The following SLC8A3 variants were observed in gnomAD, a reference collection of about 807,000 sequenced individuals.
SLC8A3 encodes solute carrier family 8 member A3, also known as sodium/calcium exchanger 3.
SLC8A3 carries 37 observed loss-of-function variants against 65.4 expected under a neutral mutation model. That is an observed-to-expected ratio of 0.57 (90% confidence interval 0.44 to 0.74). SLC8A3 has a LOEUF of 0.74. Ranked by LOEUF, SLC8A3 falls within the 30% of genes least tolerant of loss-of-function variation. The pLI is 0.00. For missense variants in SLC8A3, 1,112 were observed against 1,172.1 expected (o/e 0.95, Z 0.75); for synonymous variants, 461 against 444.5 (o/e 1.04, Z -0.47).
Position 70,188,686 on chromosome 14 carries a change from G to A in SLC8A3, c.-370C>T, listed in dbSNP as rs1416041453. 2 of 152,218 alleles carry A rather than the reference G, an allele frequency of 1.3e-5. No individual in the cohort carries two copies. The highest frequency in any genetic ancestry group is 6.5e-5 in the Admixed American group (1 of 15,286). 9.4% of individuals were successfully genotyped at this position (152,218 alleles called of 1,614,324 possible). The stretch of plus-strand genomic sequence containing the variant: ...CTTCCGCACGGATTTCAGAAAGAGG[G>A]AAACCCCGACCCAGAGCGGTGACTG... On this transcript the variant is annotated 5_prime_UTR_variant, in exon 1 of 7. Transcript: ENST00000356921.
intron 2 of SLC8A3, among the ~76,000 whole-genome samples, chr14:70,143,094 C>A (rs8012034): frequency 0.019 from 2,902 of 152,252 alleles, 43 homozygotes; most frequent in Non-Finnish European, 0.033. Flanking sequence ...CTTAAATGAG[C>A]GCTGTTGGAG....
chr14:70,076,158 TA>T (rs965060655), intron 2 of SLC8A3, among the ~76,000 whole-genome samples: 3 of 152,240 alleles, frequency 2.0e-5, no homozygotes, highest in African/African-American at 7.2e-5. Flanking sequence ...GCCTCTGCAC[TA>T]CCTGCTTCCT....
At chr14:70,106,364 A>G (rs1002167051) in intron 2 of SLC8A3, among the ~76,000 whole-genome samples, 6 of 152,198 alleles carry the variant, frequency 3.9e-5, no homozygotes, top group Non-Finnish European at 8.8e-5. Context: ...TATTCTTGGA[A>G]AATGGACCAA....
Position 70,045,906 on chromosome 14 carries a change from G to A in SLC8A3, c.*41C>T, listed in dbSNP as rs776291339. The A allele has an allele frequency of 4.0e-6, 6 of 1,513,830 alleles. No individual in the cohort carries two copies. Among genetic ancestry groups the A allele is most frequent in the Non-Finnish European group, 5.3e-6 (6 of 1,128,042 alleles). The allele number at this position is 1,513,830 out of a possible 1,614,324, so 93.8% of individuals were successfully genotyped here. A position where few individuals can be genotyped will look rare whatever the true frequency, so the allele number is the denominator to read the frequency against. ...GTGGGGAAGTGCCCTTCTCTTAGGAGAAGTCCTAGGCCTGCCCTGCTGGAG... is the reference window on the plus strand; with the variant it reads ...GTGGGGAAGTGCCCTTCTCTTAGGAAAAGTCCTAGGCCTGCCCTGCTGGAG... On this transcript the variant is annotated 3_prime_UTR_variant, in exon 7 of 7. Transcript: ENST00000356921.
At chr14:70,100,815 AG>A (rs1416217683) in intron 2 of SLC8A3, among the ~76,000 whole-genome samples, 2 of 152,262 alleles carry the variant, frequency 1.3e-5, no homozygotes, top group Admixed American at 6.5e-5. Context: ...ATTAGAGGCC[AG>A]GAGACTGTTC....
intron 2 of SLC8A3, among the ~76,000 whole-genome samples, chr14:70,119,541 G>C (rs975749360): frequency 3.3e-5 from 5 of 152,160 alleles, no homozygotes; most frequent in Non-Finnish European, 7.3e-5. Context: ...ATGAAACCAA[G>C]ATCCAGAGGG....
At chr14:70,162,213 T>C (rs1488899546) in intron 2 of SLC8A3, among the ~76,000 whole-genome samples, 1 of 152,224 alleles carries the variant, frequency 6.6e-6, no homozygotes, top group Admixed American at 6.5e-5. Flanking sequence ...ATTTTATTGA[T>C]GGATAAAAGT....
At chr14:70,114,654 A>G (rs1294989793) in intron 2 of SLC8A3, among the ~76,000 whole-genome samples, 4 of 152,168 alleles carry the variant, frequency 2.6e-5, no homozygotes, top group Admixed American at 1.3e-4. Flanking sequence ...CTTTGACTTT[A>G]AATTGGCCTA....
intron 1 of SLC8A3, among the ~76,000 whole-genome samples, chr14:70,179,333 T>C (rs919647103): frequency 5.3e-5 from 8 of 152,222 alleles, no homozygotes; most frequent in Admixed American, 5.2e-4. Context: ...TTTTACTAGT[T>C]TATCATAGAA....
At chr14:70,104,956 A>G (rs1435675896) in intron 2 of SLC8A3, among the ~76,000 whole-genome samples, 4 of 152,228 alleles carry the variant, frequency 2.6e-5, no homozygotes, top group African/African-American at 9.6e-5. Flanking sequence ...AAAGATAAGA[A>G]TTGGAATCAG....
At chr14:70,133,717 G>T (rs1024224565) in intron 2 of SLC8A3, among the ~76,000 whole-genome samples, 1 of 152,148 alleles carries the variant, frequency 6.6e-6, no homozygotes, top group Non-Finnish European at 1.5e-5. Context: ...ATAAAGGGGA[G>T]ACTCTGATGA....
chr14:70,064,825 A>G (rs1889233541), intron 2 of SLC8A3, among the ~76,000 whole-genome samples: 2 of 152,148 alleles, frequency 1.3e-5, no homozygotes, highest in Admixed American at 6.5e-5. Flanking sequence ...AATTTTAGTC[A>G]CCCTGTTCTG....
intron 2 of SLC8A3, among the ~76,000 whole-genome samples, chr14:70,081,241 G>C (rs1436659866): frequency 3.9e-5 from 6 of 152,130 alleles, no homozygotes; most frequent in Admixed American, 3.9e-4. Flanking sequence ...ACCCATATTA[G>C]AAACATCTGG....
intron 2 of SLC8A3, among the ~76,000 whole-genome samples, chr14:70,137,061 A>C (rs17107801): frequency 3.3e-5 from 5 of 152,130 alleles, no homozygotes; most frequent in African/African-American, 1.2e-4. Flanking sequence ...CAGAGATAAA[A>C]CTGGGAACCA....
At chr14:70,069,725 G>A (rs745916486) in intron 2 of SLC8A3, among the ~76,000 whole-genome samples, 1 of 152,194 alleles carries the variant, frequency 6.6e-6, no homozygotes, top group Non-Finnish European at 1.5e-5. Flanking sequence ...CCCAAGGTCT[G>A]AGGGGAAGGC....
At chr14:70,089,384 T>C (rs1891665236) in intron 2 of SLC8A3, among the ~76,000 whole-genome samples, 1 of 152,144 alleles carries the variant, frequency 6.6e-6, no homozygotes, top group South Asian at 2.1e-4. Flanking sequence ...TAACAGGAGC[T>C]CATAAATGCT....
chr14:70,045,840 A>T lies in SLC8A3; in HGVS notation c.*107T>A, dbSNP rs971286659. The T allele has an allele frequency of 5.1e-6, 6 of 1,168,796 alleles. No homozygotes were observed. The highest frequency in any genetic ancestry group is 7.1e-6 in the Non-Finnish European group (6 of 849,804). 72.4% of individuals were successfully genotyped at this position (1,168,796 alleles called of 1,614,324 possible). A position where few individuals can be genotyped will look rare whatever the true frequency, so the allele number is the denominator to read the frequency against. On this transcript the variant is annotated 3_prime_UTR_variant, in exon 7 of 7. Coordinates refer to ENST00000356921, the MANE Select transcript of SLC8A3 (RefSeq NM_182932.3). ...TGAAGTTCCTGGGGCTTAGGTCCTG[A>T]TGCTGCCTCTCCAGGGCAGTGCAGT...
At chr14:70,101,270 G>T (rs1174603069) in intron 2 of SLC8A3, among the ~76,000 whole-genome samples, 1 of 152,166 alleles carries the variant, frequency 6.6e-6, no homozygotes, top group Non-Finnish European at 1.5e-5. Flanking sequence ...ATGTGATGGG[G>T]GATGAAATAT....
chr14:70,081,601 C>T (rs1430398425), intron 2 of SLC8A3, among the ~76,000 whole-genome samples: 2 of 152,178 alleles, frequency 1.3e-5, no homozygotes, highest in African/African-American at 4.8e-5. Flanking sequence ...GGTGAGGCCA[C>T]AGCCATTGTC....
Sources: gnomAD v4.1 joint callset for allele counts (sites outside exome capture counted in the v4.1 genomes callset) on GRCh38, gnomAD v4.1.1 for gene constraint, MANE v1.5 for transcripts, NCBI Gene and HGNC (gene_info 2026-07-23, HGNC 2026-07-21) for gene names.